The following SLC9C2 variants were observed in gnomAD, a reference collection of about 807,000 sequenced individuals.
The protein encoded by SLC9C2 is sodium/hydrogen exchanger 11.
SLC9C2 carries 75 observed loss-of-function variants against 140.2 expected under a neutral mutation model. The observed-to-expected ratio is 0.53, with a 90% CI of 0.44 to 0.65. The LOEUF is 0.65. Among genes scored for constraint, SLC9C2 ranks in the 30% least tolerant of loss-of-function variants. The pLI is 0.00. For missense variants in SLC9C2, 1,074 were observed against 1,331.8 expected, an observed-to-expected ratio of 0.81 and a Z score of 3.01; for synonymous variants, 375 against 420.9, an observed-to-expected ratio of 0.89 and a Z score of 1.34.
chr1:173,525,951 A>C (rs1378787624), intron 19 of SLC9C2, among the ~76,000 whole-genome samples: 1 of 152,238 alleles, frequency 6.6e-6, no homozygotes, highest in Non-Finnish European at 1.5e-5. Flanking sequence ...ATTAGATCAC[A>C]TTCTTTCCAT....
At chr1:173,508,091 A>C (rs1340819088) in intron 24 of SLC9C2, among the ~76,000 whole-genome samples, 1 of 152,038 alleles carries the variant, frequency 6.6e-6, no homozygotes, top group African/African-American at 2.4e-5. Flanking sequence ...TTATTTGCTG[A>C]GGGCACCAGC....
At chr1:173,518,913 C>G (rs1336325034) in intron 22 of SLC9C2, among the ~76,000 whole-genome samples, 1 of 152,060 alleles carries the variant, frequency 6.6e-6, no homozygotes, top group Non-Finnish European at 1.5e-5. Flanking sequence ...GAGGCCCCCC[C>G]AAGATTCCTG....
chr1:173,565,370 G>T (rs1664405749), intron 9 of SLC9C2, among the ~76,000 whole-genome samples: 1 of 152,092 alleles, frequency 6.6e-6, no homozygotes, highest in Admixed American at 6.5e-5. Context: ...AATCCATTTT[G>T]ATTTGATTTT....
chr1:173,509,697 G>A lies in SLC9C2; in HGVS notation c.2910C>T (p.Ala970=). 1 of 1,584,378 alleles carries A rather than the reference G, an allele frequency of 6.3e-7. No homozygotes were observed. Among genetic ancestry groups the A allele is most frequent in the Non-Finnish European group, 8.5e-7 (1 of 1,171,958 alleles). ...YTVICETSLQ[A]CFISLEDLYE... ...ATAAATCCTCCAGGGAGATAAAGCA[G>A]GCCTGAAACAAAAAGGAACCAGGCC... The change falls in exon 24 of 28, where the codon GCC becomes GCT. Residue 970 remains alanine (A), a splice_region_variant and synonymous_variant. Transcript: ENST00000367714.
chr1:173,562,865 C>T (rs932971389), intron 9 of SLC9C2, among the ~76,000 whole-genome samples: 27 of 152,222 alleles, frequency 1.8e-4, no homozygotes, highest in Admixed American at 1.6e-3. Context: ...GAGCTGATCC[C>T]TTCCCCCAGG....
In SLC9C2 at chr1:173,533,721, A is replaced by C. The variant is rs1661750947; in HGVS notation, c.2051T>G (p.Ile684Ser). Residue 684 changes from isoleucine (I) to serine (S), a missense_variant, in exon 17 of 28, where the codon ATT becomes AGT. Physicochemically the swap from Ile to Ser is moderately radical, Grantham distance 142. Transcript: ENST00000367714. ...CACAAAGTATACACAAAAGATATCA[A>C]TGATTCCAATAACCAGGATAAAAAA... ...LEFFILVIGI[I>S]DIFCVYFVKL... The C allele has an allele frequency of 1.9e-6, 3 of 1,609,938 alleles. No individual in the cohort carries two copies. Among genetic ancestry groups the C allele is most frequent in the Non-Finnish European group, 2.5e-6 (3 of 1,176,984 alleles).
In SLC9C2 at chr1:173,535,888, T is replaced by C. The variant is rs1661916399; in HGVS notation, c.1717A>G (p.Lys573Glu). 6 of 1,515,126 alleles carry C rather than the reference T, an allele frequency of 4.0e-6. No individual in the cohort carries two copies. The highest frequency in any genetic ancestry group is 1.4e-5 in the African/African-American group (1 of 69,416). The allele number at this position is 1,515,126 out of a possible 1,614,324, so 93.9% of individuals were successfully genotyped here. ...TATTCCAAGAAAGTTAAAACATTTT[T>C]AAACTTTATAAGCCAACTTCTAGTT... ...MRTRSWLIKF[K>E]NVLTFLEYCI... Residue 573 changes from lysine (K) to glutamate (E), a missense_variant, in exon 15 of 28, where the codon AAA becomes GAA. Coordinates refer to ENST00000367714, the MANE Select transcript of SLC9C2 (RefSeq NM_178527.4).
chr1:173,501,654 G>A (rs966051785), intron 27 of SLC9C2, among the ~76,000 whole-genome samples: 1 of 151,680 alleles, frequency 6.6e-6, no homozygotes, highest in Non-Finnish European at 1.5e-5. Flanking sequence ...GGAACTACAG[G>A]CGCCCACCAC....
chr1:173,576,796 A>G (rs781173653), intron 7 of SLC9C2, 36 bp from the exon 8 acceptor site: 4 of 1,265,870 alleles, frequency 3.2e-6, no homozygotes, highest in Non-Finnish European at 3.4e-6. Context: ...ATCAAATGCA[A>G]TGTATTCATA....
At chr1:173,547,646 T>G in intron 13 of SLC9C2, 43 bp downstream of exon 13, 1 of 1,482,516 alleles carries the variant, frequency 6.7e-7, no homozygotes. Context: ...TCAAAGACAT[T>G]GCAAGAAAGG....
chr1:173,589,996 A>C (rs1292136184), intron 4 of SLC9C2, among the ~76,000 whole-genome samples: 1 of 152,174 alleles, frequency 6.6e-6, no homozygotes, highest in Non-Finnish European at 1.5e-5. Context: ...CAATCCCAGC[A>C]CTCTGGGGGG....
chr1:173,599,272 GAGGAAGCCAGTGTATGTGCAGGGGA>G (rs1666626600), intron 3 of SLC9C2, among the ~76,000 whole-genome samples: 1 of 150,920 alleles, frequency 6.6e-6, no homozygotes, highest in Non-Finnish European at 1.5e-5. Context: ...CAACAGCAAG[GAGGAAGCCAGTGTATGTGCAGGGGA>G]AGGAAGCCAG....
chr1:173,557,650 C>A, intron 9 of SLC9C2, 142 bp from the exon 10 acceptor site: 1 of 729,114 alleles, frequency 1.4e-6, no homozygotes, highest in Non-Finnish European at 2.2e-6. Flanking sequence ...TAAGTCCTTC[C>A]AATTTTCTGA....
intron 4 of SLC9C2, among the ~76,000 whole-genome samples, chr1:173,588,790 G>A (rs1665997255): frequency 6.6e-6 from 1 of 152,002 alleles, no homozygotes; most frequent in Non-Finnish European, 1.5e-5. Context: ...AGTAAGGGAG[G>A]AGGCCAGGTG....
chr1:173,536,375 C>T (rs1558041559), intron 14 of SLC9C2, among the ~76,000 whole-genome samples: 1 of 152,154 alleles, frequency 6.6e-6, no homozygotes, highest in Non-Finnish European at 1.5e-5. Context: ...TTATTATTGC[C>T]CCACAGCTTT....
At chr1:173,517,435 G>A in intron 23 of SLC9C2, 102 bp downstream of exon 23, 2 of 1,136,244 alleles carry the variant, frequency 1.8e-6, no homozygotes, top group Non-Finnish European at 2.4e-6. Context: ...CCAATAGCTG[G>A]TTGGGTGACT....
intron 9 of SLC9C2, among the ~76,000 whole-genome samples, chr1:173,559,132 C>T (rs1344806213): frequency 6.6e-6 from 1 of 152,172 alleles, no homozygotes; most frequent in Non-Finnish European, 1.5e-5. Flanking sequence ...CATGAGCTCT[C>T]GTGGCAGAAC....
At chr1:173,502,348 C>T (rs1659343735) in intron 27 of SLC9C2, among the ~76,000 whole-genome samples, 2 of 151,026 alleles carry the variant, frequency 1.3e-5, no homozygotes, top group Admixed American at 1.3e-4. Context: ...GCTAAAGGTC[C>T]TTGAAGCCTG....
At position 173,511,540 on chromosome 1, in the gene SLC9C2, T is replaced by C. The variant is rs113172986; in HGVS notation, c.2908-1841A>G. On this transcript the variant is annotated intron_variant, in intron 23 of 27. Coordinates refer to ENST00000367714, the MANE Select transcript of SLC9C2 (RefSeq NM_178527.4). ...CTTGTAAATTTGTTTAAGTTCCTTG[T>C]AGATTCCGGATATTAGACCTTTGTC... 4.6e-3 allele frequency among the ~76,000 whole-genome samples: 705 copies of C among 152,348 alleles called. 4 individuals are homozygous for C. The highest frequency in any genetic ancestry group is 0.016 in the African/African-American group (673 of 41,566).
Sources: gnomAD v4.1 joint callset for allele counts (sites outside exome capture counted in the v4.1 genomes callset) on GRCh38, gnomAD v4.1.1 for gene constraint, MANE v1.5 for transcripts, NCBI Gene and HGNC (gene_info 2026-07-23, HGNC 2026-07-21) for gene names.